TNKS: variants seen among roughly 807,000 people sequenced by gnomAD.
TNKS encodes poly [ADP-ribose] polymerase tankyrase-1.
TNKS carries 72 observed loss-of-function variants against 135.8 expected under a neutral mutation model. The observed-to-expected ratio is 0.53, with a 90% CI of 0.44 to 0.64. TNKS has a LOEUF of 0.64. Among genes scored for constraint, TNKS ranks in the 30% least tolerant of loss-of-function variants. The pLI is 0.00. For missense variants in TNKS, 1,769 were observed against 1,674.0 expected, an observed-to-expected ratio of 1.06 and a Z score of -0.99; for synonymous variants, 849 against 649.3, an observed-to-expected ratio of 1.31 and a Z score of -4.68.
chr8:9,764,998 C>T (rs1341971197), intron 23 of TNKS, among the ~76,000 whole-genome samples: 2 of 152,164 alleles, frequency 1.3e-5, no homozygotes, highest in East Asian at 1.9e-4. Context: ...ATTCTGAAAG[C>T]GTCAAAGCTA....
intron 2 of TNKS, among the ~76,000 whole-genome samples, chr8:9,604,366 A>C (rs1172364981): frequency 1.3e-5 from 2 of 152,142 alleles, no homozygotes; most frequent in African/African-American, 4.8e-5. Flanking sequence ...GATATCACCA[A>C]ACTTCAATCT....
chr8:9,617,630 C>T (rs552477581), intron 3 of TNKS, among the ~76,000 whole-genome samples: 3 of 152,108 alleles, frequency 2.0e-5, no homozygotes, highest in Non-Finnish European at 4.4e-5. Context: ...ATAAGTAATT[C>T]TTTCCAGTGG....
intron 5 of TNKS, among the ~76,000 whole-genome samples, chr8:9,703,858 A>T (rs561347551): frequency 3.9e-4 from 59 of 152,288 alleles, no homozygotes; most frequent in Non-Finnish European, 7.9e-4. Flanking sequence ...GGTTGCAGAG[A>T]AGTTTTTAAT....
intron 2 of TNKS, among the ~76,000 whole-genome samples, chr8:9,593,559 C>T (rs573308053): frequency 6.6e-6 from 1 of 152,266 alleles, no homozygotes; most frequent in African/African-American, 2.4e-5. Flanking sequence ...ACCAAACCCC[C>T]TTCCCCCCAA....
At chr8:9,557,601 A>G (rs1815379720) in intron 1 of TNKS, 1 of 152,166 alleles carries the variant, frequency 6.6e-6, no homozygotes, top group South Asian at 2.1e-4. Context: ...ATTGTACGTT[A>G]TACAATTCAA....
chr8:9,595,570 G>A lies in TNKS; in HGVS notation c.898+15187G>A, dbSNP rs531793864. On this transcript the variant is annotated intron_variant, in intron 2 of 26. Coordinates refer to ENST00000310430, the MANE Select transcript of TNKS (RefSeq NM_003747.3). ...TACACATAACATATATATATGTTAT[G>A]TACTTATTAATTGTGTTTTATTAGA... Among the ~76,000 whole-genome samples, 46 of 151,962 alleles carry A rather than the reference G, an allele frequency of 3.0e-4. 1 individual carries two copies. Among genetic ancestry groups the A allele is most frequent in the African/African-American group, 1.1e-3 (44 of 41,424 alleles).
chr8:9,721,466 A>C (rs1804877405), intron 12 of TNKS, among the ~76,000 whole-genome samples: 1 of 151,888 alleles, frequency 6.6e-6, no homozygotes, highest in South Asian at 2.1e-4. Context: ...AACTAGAATC[A>C]AAAGTTTAGT....
intron 3 of TNKS, among the ~76,000 whole-genome samples, chr8:9,635,611 A>G: frequency 6.6e-6 from 1 of 152,208 alleles, no homozygotes; most frequent in East Asian, 1.9e-4. Flanking sequence ...ATCTGACAAT[A>G]CTTTTTTTGG....
At chr8:9,585,739 T>C (rs1312192662) in intron 2 of TNKS, among the ~76,000 whole-genome samples, 3 of 152,240 alleles carry the variant, frequency 2.0e-5, no homozygotes, top group Non-Finnish European at 2.9e-5. Context: ...ACTTTCTTTC[T>C]CTATACTTTC....
At chr8:9,674,413 A>G (rs1401291950) in intron 3 of TNKS, among the ~76,000 whole-genome samples, 1 of 152,182 alleles carries the variant, frequency 6.6e-6, no homozygotes, top group African/African-American at 2.4e-5. Flanking sequence ...GGAAAAAAAA[A>G]GCTTATGTTT....
At chr8:9,575,283 C>A (rs1443919874) in intron 1 of TNKS, 2 of 623,370 alleles carry the variant, frequency 3.2e-6, no homozygotes, top group Admixed American at 1.3e-4. Context: ...AGACGGGTTT[C>A]ACCATGTTAG....
chr8:9,689,518 A>G lies in TNKS; in HGVS notation c.1107+8718A>G, dbSNP rs138439574. ...TATAAAAAAAATGCTTTAATTTGTT[A>G]ATAGTAACATAATACCCTACTTTTG... On this transcript the variant is annotated intron_variant, in intron 5 of 26. Coordinates refer to ENST00000310430, the MANE Select transcript of TNKS (RefSeq NM_003747.3). Among the ~76,000 whole-genome samples, 271 of 152,298 alleles carry G rather than the reference A, an allele frequency of 1.8e-3. 3 individuals carry two copies. The highest frequency in any genetic ancestry group is 6.1e-3 in the African/African-American group (252 of 41,576).
intron 20 of TNKS, among the ~76,000 whole-genome samples, chr8:9,756,080 C>T (rs1806819369): frequency 6.6e-6 from 1 of 152,152 alleles, no homozygotes; most frequent in Non-Finnish European, 1.5e-5. Context: ...ATTTTATTTA[C>T]ACTGCAATTC....
At chr8:9,659,223 C>T (rs1276856574) in intron 3 of TNKS, among the ~76,000 whole-genome samples, 2 of 152,314 alleles carry the variant, frequency 1.3e-5, no homozygotes, top group African/African-American at 2.4e-5. Context: ...CTCCGCTCTG[C>T]ACCAAGTGGA....
At position 9,660,826 on chromosome 8, in the gene TNKS, A is replaced by G. The variant is rs185752691; in HGVS notation, c.995-19125A>G. Among the ~76,000 whole-genome samples, 16 of 152,316 alleles carry G rather than the reference A, an allele frequency of 1.1e-4. No individual in the cohort carries two copies. The East Asian group carries it at 2.5e-3, about 24-fold the overall frequency. ...CTGTTTGCAGATGACATGATTGTAT[A>G]TCTAGAAAACCCCATCGTTTCAGCC... On this transcript the variant is annotated intron_variant, in intron 3 of 26. Coordinates refer to ENST00000310430, the MANE Select transcript of TNKS (RefSeq NM_003747.3).
Position 9,629,717 on chromosome 8 carries a change from C to G in TNKS, c.994+14040C>G, listed in dbSNP as rs192179666. Among the ~76,000 whole-genome samples the G allele has an allele frequency of 2.6e-5, 4 of 152,360 alleles. No individual in the cohort carries two copies. In the East Asian group the frequency reaches 7.7e-4, roughly 29 times the overall value. On this transcript the variant is annotated intron_variant, in intron 3 of 26. Coordinates refer to ENST00000310430, the MANE Select transcript of TNKS (RefSeq NM_003747.3). ...TTGTTTTTTGAGACGAAGTCTCGCT[C>G]TGTCGCCCAGGCTGGAGTGCAGTGG...
intron 3 of TNKS, among the ~76,000 whole-genome samples, chr8:9,633,767 G>A (rs1800388504): frequency 6.6e-6 from 1 of 152,210 alleles, no homozygotes; most frequent in Admixed American, 6.5e-5. Context: ...GGGAGGTACT[G>A]AAGTCTCTGG....
chr8:9,767,958 C>CAAA (rs1030767438), intron 25 of TNKS, among the ~76,000 whole-genome samples: 3 of 68,058 alleles, frequency 4.4e-5, no homozygotes, highest in Non-Finnish European at 5.8e-5. Flanking sequence ...GACTCCGTCT[C>CAAA]AAAAAAAAAA....
At chr8:9,740,222 A>G (rs1289637831) in intron 17 of TNKS, among the ~76,000 whole-genome samples, 1 of 152,216 alleles carries the variant, frequency 6.6e-6, no homozygotes, top group African/African-American at 2.4e-5. Context: ...CGGCAGAAAT[A>G]GGATGAATGC....
Sources: allele counts gnomAD v4.1 joint callset (sites outside exome capture counted in the v4.1 genomes callset), GRCh38; gene constraint gnomAD v4.1.1; transcripts MANE v1.5; gene names NCBI Gene and HGNC (gene_info 2026-07-23, HGNC 2026-07-21).